The following SNX4 variants were observed in gnomAD, a reference collection of about 807,000 sequenced individuals.
The protein encoded by SNX4 is sorting nexin-4.
Under a neutral mutation model 70.8 loss-of-function variants are expected in SNX4, and 49 were observed. The ratio of observed to expected loss-of-function variants is 0.69; its 90% CI spans 0.55 to 0.88. The LOEUF (loss-of-function observed/expected upper bound fraction) is 0.88. SNX4 is among the 40% of genes least tolerant of loss of function. The pLI is 0.00. For missense variants in SNX4, 528 were observed against 544.8 expected (o/e 0.97, Z 0.31); for synonymous variants, 206 against 183.8 (o/e 1.12, Z -0.98).
intron 12 of SNX4, 76 bp downstream of exon 12, chr3:125,453,730 AAAAT>A (rs1045255659): frequency 3.2e-4 from 422 of 1,327,638 alleles, no homozygotes; most frequent in South Asian, 4.4e-4. Context: ...AATTGTTACC[AAAAT>A]AAATAAATAA....
intron 1 of SNX4, among the ~76,000 whole-genome samples, chr3:125,511,206 G>A: frequency 6.6e-6 from 1 of 152,194 alleles, no homozygotes; most frequent in East Asian, 1.9e-4. Context: ...GAGCCACCGT[G>A]CCCAGTTTAA....
At chr3:125,458,196 A>G (rs997644254) in intron 10 of SNX4, among the ~76,000 whole-genome samples, 1 of 145,634 alleles carries the variant, frequency 6.9e-6, no homozygotes, top group African/African-American at 2.6e-5. Flanking sequence ...TTTTGGAGAC[A>G]AGGTCTCACT....
intron 9 of SNX4, 55 bp downstream of exon 9, chr3:125,469,399 A>T: frequency 8.6e-7 from 1 of 1,166,202 alleles, no homozygotes; most frequent in Non-Finnish European, 1.3e-6. Flanking sequence ...AGAGTCACTA[A>T]TGCTTCACTA....
At chr3:125,468,247 G>A (rs1293074993) in intron 9 of SNX4, among the ~76,000 whole-genome samples, 3 of 152,328 alleles carry the variant, frequency 2.0e-5, no homozygotes, top group East Asian at 1.9e-4. Context: ...CTACTTAAGG[G>A]TGGAGGTTAG....
At chr3:125,516,905 C>T (rs1176363361) in intron 1 of SNX4, 1 of 152,192 alleles carries the variant, frequency 6.6e-6, no homozygotes, top group Non-Finnish European at 1.5e-5. Flanking sequence ...TTTGCCTAGA[C>T]ATCTTTGTAG....
chr3:125,495,745 A>T (rs1348142801), intron 5 of SNX4, among the ~76,000 whole-genome samples: 5 of 152,230 alleles, frequency 3.3e-5, no homozygotes, highest in Non-Finnish European at 7.3e-5. Flanking sequence ...TATTAACTGC[A>T]GTAAAGACTT....
Position 125,497,825 on chromosome 3 carries a change from G to A in SNX4, c.549+9C>T. On this transcript the variant is annotated intron_variant, in intron 4 of 13. Transcript: ENST00000251775. The stretch of plus-strand genomic sequence containing the variant: ...AATATTTTACTAAGACTAAATAAAA[G>A]AAAAATACCTGTGTTAAAAACAGAT... The A allele has an allele frequency of 6.4e-7, 1 of 1,565,878 alleles. No individual in the cohort carries two copies.
chr3:125,519,698 A>AC, intron 1 of SNX4, among the ~76,000 whole-genome samples: 1 of 145,520 alleles, frequency 6.9e-6, no homozygotes, highest in South Asian at 2.3e-4. Flanking sequence ...ACCACTGAAA[A>AC]CCCCCTCCTC....
At chr3:125,479,485 G>A (rs767824547) in intron 7 of SNX4, among the ~76,000 whole-genome samples, 21 of 152,044 alleles carry the variant, frequency 1.4e-4, no homozygotes, top group Non-Finnish European at 2.1e-4. Flanking sequence ...AACCCGGGAG[G>A]TGGAGGTTGC....
At chr3:125,448,970 C>G (rs1219123387) in intron 13 of SNX4, 1 of 151,952 alleles carries the variant, frequency 6.6e-6, no homozygotes, top group East Asian at 1.9e-4. Flanking sequence ...AGCCACTGTA[C>G]CCGGCAAGGG....
At chr3:125,465,988 A>C (rs2107534073) in intron 9 of SNX4, among the ~76,000 whole-genome samples, 1 of 152,274 alleles carries the variant, frequency 6.6e-6, no homozygotes, top group South Asian at 2.1e-4. Context: ...TGACATCTTA[A>C]CAATGCCTTC....
chr3:125,471,254 G>C (rs769000329), intron 8 of SNX4, among the ~76,000 whole-genome samples: 1 of 146,636 alleles, frequency 6.8e-6, no homozygotes, highest in Non-Finnish European at 1.5e-5. Context: ...TGAGGTGGGA[G>C]AATCGCTTGA....
At chr3:125,453,206 C>A (rs1003767536) in intron 12 of SNX4, among the ~76,000 whole-genome samples, 3 of 152,126 alleles carry the variant, frequency 2.0e-5, no homozygotes, top group African/African-American at 7.2e-5. Context: ...TTAAATTTAG[C>A]CAGGGATAGT....
chr3:125,502,460 T>C (rs1003225271), intron 2 of SNX4, among the ~76,000 whole-genome samples: 11 of 152,140 alleles, frequency 7.2e-5, no homozygotes, highest in African/African-American at 2.4e-4. Context: ...TAAACTTTTA[T>C]TTTAGGCAGA....
At chr3:125,514,966 A>G (rs916133589) in intron 1 of SNX4, among the ~76,000 whole-genome samples, 10 of 148,608 alleles carry the variant, frequency 6.7e-5, no homozygotes, top group African/African-American at 2.5e-4. Flanking sequence ...ATCCAGCCCA[A>G]TGCTTCTTTT....
intron 10 of SNX4, among the ~76,000 whole-genome samples, chr3:125,459,001 C>T (rs1229316276): frequency 1.3e-5 from 2 of 151,742 alleles, no homozygotes; most frequent in African/African-American, 4.8e-5. Flanking sequence ...TGGTAAAACC[C>T]CATCTCTACT....
intron 5 of SNX4, among the ~76,000 whole-genome samples, chr3:125,491,646 G>A (rs1016864943): frequency 6.6e-6 from 1 of 152,124 alleles, no homozygotes; most frequent in Non-Finnish European, 1.5e-5. Context: ...AAACTACCTG[G>A]ACTGTTCCAA....
At chr3:125,492,307 C>T (rs925202942) in intron 5 of SNX4, among the ~76,000 whole-genome samples, 6 of 152,098 alleles carry the variant, frequency 3.9e-5, no homozygotes, top group Admixed American at 3.9e-4. Context: ...CTGGTGACTT[C>T]ACTGCAGGTT....
intron 8 of SNX4, among the ~76,000 whole-genome samples, 194 bp from the exon 9 acceptor site, chr3:125,469,713 A>C (rs894103833): frequency 6.6e-6 from 1 of 152,076 alleles, no homozygotes; most frequent in African/African-American, 2.4e-5. Flanking sequence ...TGAAGGCTTC[A>C]AACGTTGATG....
Sources: gnomAD v4.1 joint callset for allele counts (sites outside exome capture counted in the v4.1 genomes callset) on GRCh38, gnomAD v4.1.1 for gene constraint, MANE v1.5 for transcripts, NCBI Gene and HGNC (gene_info 2026-07-23, HGNC 2026-07-21) for gene names.